Variants in SPAG16 observed in about 807,000 individuals in gnomAD.
SPAG16 encodes sperm-associated antigen 16 protein.
In SPAG16, 86 loss-of-function variants were observed where a neutral mutation model predicts 80.4. The observed-to-expected ratio is 1.07, with a 90% CI of 0.90 to 1.28. The LOEUF is 1.28. Ranked by LOEUF, SPAG16 falls within the 50% of genes most tolerant of loss-of-function variation. The pLI, the probability that SPAG16 is intolerant of heterozygous loss-of-function variation, is 0.00. For synonymous variants in SPAG16, 294 were observed against 265.9 expected (o/e 1.11, Z -1.03); for missense variants, 870 against 765.3 (o/e 1.14, Z -1.61).
chr2:213,293,907 AC>A lies in SPAG16; in HGVS notation c.137-2155del, dbSNP rs547572756. On this transcript the variant is annotated intron_variant, in intron 1 of 15. Transcript: ENST00000331683. ...ATTAACCTATTTACCTCATATAGTT[AC>A]CTTTTCACTTTTATATTACTTGTGG... Among the ~76,000 whole-genome samples the A allele has an allele frequency of 5.4e-4, 83 of 152,324 alleles. 3 individuals carry two copies. The South Asian group carries it at 6.2e-3, about 11-fold the overall frequency.
chr2:214,139,532 C>T (rs1044925338), intron 14 of SPAG16, among the ~76,000 whole-genome samples: 45 of 152,044 alleles, frequency 3.0e-4, no homozygotes, highest in Middle Eastern at 6.8e-3. Context: ...TAGAAAAGAG[C>T]GTCTTCAATT....
chr2:213,314,723 C>T (rs1439619620), intron 4 of SPAG16, among the ~76,000 whole-genome samples: 1 of 151,674 alleles, frequency 6.6e-6, no homozygotes, highest in East Asian at 1.9e-4. Flanking sequence ...CTTTTTTCCT[C>T]ATAGAAAATT....
chr2:213,351,397 A>C (rs985703459), intron 7 of SPAG16, among the ~76,000 whole-genome samples: 1 of 152,150 alleles, frequency 6.6e-6, no homozygotes, highest in Non-Finnish European at 1.5e-5. Flanking sequence ...GAGATATTTT[A>C]ATAAATAAAA....
chr2:213,817,213 CAT>C (rs71063784), intron 10 of SPAG16, among the ~76,000 whole-genome samples: 43,544 of 142,746 alleles, frequency 0.31, 6,621 homozygotes, highest in Middle Eastern at 0.41. Flanking sequence ...ACAAAGCATG[CAT>C]ATATATATAT....
intron 3 of SPAG16, among the ~76,000 whole-genome samples, chr2:213,307,888 C>A (rs1436843772): frequency 6.6e-6 from 1 of 152,176 alleles, no homozygotes; most frequent in Non-Finnish European, 1.5e-5. Flanking sequence ...TTTTGTATAG[C>A]ACTTTTGGAA....
At chr2:214,194,322 C>T (rs982392581) in intron 15 of SPAG16, among the ~76,000 whole-genome samples, 6 of 152,194 alleles carry the variant, frequency 3.9e-5, no homozygotes, top group Admixed American at 3.9e-4. Flanking sequence ...TGCACTAATA[C>T]ACATATGTGT....
intron 12 of SPAG16, among the ~76,000 whole-genome samples, chr2:213,971,458 G>C (rs1246963474): frequency 6.6e-6 from 1 of 151,948 alleles, no homozygotes; most frequent in East Asian, 1.9e-4. Flanking sequence ...CTACCTGAAT[G>C]CAAAATTAAC....
At chr2:213,548,517 G>A (rs995952555) in intron 10 of SPAG16, among the ~76,000 whole-genome samples, 1 of 152,128 alleles carries the variant, frequency 6.6e-6, no homozygotes, top group African/African-American at 2.4e-5. Context: ...GACCCTTACA[G>A]CATTTTTTCA....
At chr2:214,089,409 TA>T in intron 13 of SPAG16, among the ~76,000 whole-genome samples, 1 of 152,264 alleles carries the variant, frequency 6.6e-6, no homozygotes, top group Middle Eastern at 3.4e-3. Context: ...CAAGAAATGG[TA>T]AAGATCATGT....
intron 15 of SPAG16, among the ~76,000 whole-genome samples, chr2:214,320,360 T>G (rs890611018): frequency 1.3e-5 from 2 of 152,238 alleles, no homozygotes; most frequent in African/African-American, 4.8e-5. Flanking sequence ...CTTGCTCCCA[T>G]GATACTCTAG....
intron 13 of SPAG16, among the ~76,000 whole-genome samples, chr2:214,094,825 G>T (rs1233224101): frequency 6.6e-6 from 1 of 152,012 alleles, no homozygotes; most frequent in Non-Finnish European, 1.5e-5. Context: ...AGTTTCACAG[G>T]TCTACAGATA....
At position 214,205,692 on chromosome 2, in the gene SPAG16, A is replaced by G. The variant is rs146754580; in HGVS notation, c.1720+56426A>G. Reference sequence around the variant, plus strand: ...CAAAATATGCTAAATTAGGCTATATATGTCATCAATTTGAGGGTATATTGA... The same window carrying G: ...CAAAATATGCTAAATTAGGCTATATGTGTCATCAATTTGAGGGTATATTGA... On this transcript the variant is annotated intron_variant, in intron 15 of 15. Coordinates refer to ENST00000331683, the MANE Select transcript of SPAG16 (RefSeq NM_024532.5). Among the ~76,000 whole-genome samples the G allele has an allele frequency of 2.0e-5, 3 of 152,308 alleles. No homozygotes were observed. In the East Asian group the frequency reaches 5.8e-4, roughly 29 times the overall value.
chr2:213,549,322 A>G lies in SPAG16; in HGVS notation c.1070+59232A>G, dbSNP rs568466875. 1.8e-4 allele frequency among the ~76,000 whole-genome samples: 27 copies of G among 152,124 alleles called. No homozygotes were observed. In the South Asian group the frequency reaches 5.2e-3, roughly 29 times the overall value. ...TTAAATTACAGATTTTATTTGATGC[A>G]TTATTAATAAAAGTTCAAATTTATG... On this transcript the variant is annotated intron_variant, in intron 10 of 15. Coordinates refer to ENST00000331683, the MANE Select transcript of SPAG16 (RefSeq NM_024532.5).
chr2:213,911,756 C>G (rs1381129945), intron 11 of SPAG16, among the ~76,000 whole-genome samples: 3 of 150,108 alleles, frequency 2.0e-5, no homozygotes, highest in Middle Eastern at 6.4e-3. Context: ...GAGAGGCAGC[C>G]TCCATGTATT....
At chr2:213,755,730 G>C (rs1358064983) in intron 10 of SPAG16, among the ~76,000 whole-genome samples, 1 of 152,120 alleles carries the variant, frequency 6.6e-6, no homozygotes, top group Non-Finnish European at 1.5e-5. Flanking sequence ...TGAGATGATA[G>C]CTGTCACAGT....
chr2:213,341,274 G>A (rs912003024), intron 6 of SPAG16, among the ~76,000 whole-genome samples: 1 of 152,060 alleles, frequency 6.6e-6, no homozygotes, highest in African/African-American at 2.4e-5. Context: ...TCACAAAACT[G>A]GGTATCAAGT....
intron 15 of SPAG16, among the ~76,000 whole-genome samples, chr2:214,344,980 T>C (rs1165288838): frequency 6.6e-6 from 1 of 152,210 alleles, no homozygotes; most frequent in Non-Finnish European, 1.5e-5. Flanking sequence ...TATTTATTCA[T>C]TGACCCATTT....
intron 1 of SPAG16, among the ~76,000 whole-genome samples, chr2:213,292,704 CAGAA>C (rs981977718): frequency 6.8e-6 from 1 of 146,104 alleles, no homozygotes; most frequent in African/African-American, 2.6e-5. Context: ...ACAAAACTAT[CAGAA>C]AGATATAAAT....
At chr2:213,713,326 C>A (rs1326192367) in intron 10 of SPAG16, among the ~76,000 whole-genome samples, 1 of 152,170 alleles carries the variant, frequency 6.6e-6, no homozygotes, top group African/African-American at 2.4e-5. Flanking sequence ...GGTTGCCACA[C>A]AAGAGAGAGA....
Sources: gnomAD v4.1 joint callset for allele counts (sites outside exome capture counted in the v4.1 genomes callset) on GRCh38, gnomAD v4.1.1 for gene constraint, MANE v1.5 for transcripts, NCBI Gene and HGNC (gene_info 2026-07-23, HGNC 2026-07-21) for gene names.